Variants in WNK4 observed in about 807,000 individuals in gnomAD.
WNK4 encodes the protein WNK lysine deficient protein kinase 4, also known as serine/threonine-protein kinase WNK4.
In WNK4, 94 loss-of-function variants were observed where a neutral mutation model predicts 116.2. The observed-to-expected ratio is 0.81, with a 90% confidence interval of 0.68 to 0.96. WNK4 has a LOEUF of 0.96. WNK4 is among the 40% of genes least tolerant of loss of function. The pLI is 0.00. For synonymous variants in WNK4, 655 were observed against 672.7 expected (o/e 0.97, Z 0.41); for missense variants, 1,542 against 1,650.6 (o/e 0.93, Z 1.14).
chr17:42,790,384 T>C (rs767266569), intron 11 of WNK4, among the ~76,000 whole-genome samples: 1 of 151,306 alleles, frequency 6.6e-6, no homozygotes, highest in Non-Finnish European at 1.5e-5. Flanking sequence ...AGAGAGGAAA[T>C]TAGAAATGAA....
In WNK4 at chr17:42,794,892, C is replaced by T. The variant is rs1287623966; in HGVS notation, c.2471C>T (p.Ser824Phe). ...CCATTTTCCCCTGGAACCCCCATTT[C>T]CCCAGGTCCCATCTTCCCCATCACT... ...GNPFSPGTPI[S>F]PGPIFPITSP... is the part of the protein sequence containing the mutation. Residue 824 changes from serine (S) to phenylalanine (F), a missense_variant, in exon 14 of 19, where the codon TCC (serine) becomes TTC (phenylalanine). Transcript: ENST00000246914. The T allele has an allele frequency of 1.4e-5, 22 of 1,612,250 alleles. No homozygotes were observed. The East Asian group carries it at 4.9e-4, about 36-fold the overall frequency.
Position 42,787,432 on chromosome 17 carries a change from T to C in WNK4, c.1631T>C (p.Val544Ala). The change falls in exon 7 of 19, where the codon GTG (valine) becomes GCG (alanine). Residue 544 changes from valine (V) to alanine (A), a missense_variant. Coordinates refer to ENST00000246914, the MANE Select transcript of WNK4 (RefSeq NM_032387.5). The stretch of plus-strand genomic sequence containing the variant: ...GAGCCAGGACCTCCACCAGCAACTG[T>C]GCCCATGGCCCCCGGTCCCCCCAGT... ...PPEPGPPPAT[V>A]PMAPGPPSVF... The C allele has an allele frequency of 6.2e-7, 1 of 1,614,124 alleles. No individual in the cohort carries two copies. The highest frequency in any genetic ancestry group is 8.5e-7 in the Non-Finnish European group (1 of 1,180,028).
Position 42,785,460 on chromosome 17 carries a change from C to T in WNK4, c.1454C>T (p.Ala485Val). 5 of 1,553,332 alleles carry T rather than the reference C, an allele frequency of 3.2e-6. No homozygotes were observed. The highest frequency in any genetic ancestry group is 3.5e-6 in the Non-Finnish European group (4 of 1,147,852). Residue 485 changes from alanine (A) to valine (V), a missense_variant, in exon 6 of 19, where the codon GCC becomes GTC. Physicochemically the swap from Ala to Val is moderately conservative, Grantham distance 64. This residue lies in a region of WNK4 where 808 missense variants were observed against 873.6 expected (regional missense o/e 0.92). Coordinates refer to ENST00000246914, the MANE Select transcript of WNK4 (RefSeq NM_032387.5). Reference protein sequence around the residue: ...EFLFQLGRDAAEEVAQEMVAL... With the variant: ...EFLFQLGRDAVEEVAQEMVAL... ...CTGTTCCAGCTGGGCCGGGACGCGG[C>T]CGAGGAGGTGGCACAGGAGATGGTG...
chr17:42,781,459 C>T, intron 1 of WNK4, 143 bp downstream of exon 1: 1 of 1,173,828 alleles, frequency 8.5e-7, no homozygotes, highest in Non-Finnish European at 1.2e-6. Flanking sequence ...GCTGTCTTTG[C>T]CCTGAATGAT....
At chr17:42,785,665 A>T (rs2054541064) in intron 6 of WNK4, among the ~76,000 whole-genome samples, 183 bp downstream of exon 6, 2 of 152,154 alleles carry the variant, frequency 1.3e-5, no homozygotes, top group African/African-American at 2.4e-5. Flanking sequence ...ACGCACACCC[A>T]GTTTTCCTTT....
intron 11 of WNK4, among the ~76,000 whole-genome samples, chr17:42,789,987 CAG>C (rs1040692912): frequency 1.7e-4 from 26 of 151,786 alleles, no homozygotes; most frequent in African/African-American, 6.1e-4. Flanking sequence ...GCCTGGAAGA[CAG>C]AGTGAACTTT....
chr17:42,796,651 G>A (rs1361019813), intron 18 of WNK4, 35 bp from the exon 19 acceptor site: 3 of 1,614,090 alleles, frequency 1.9e-6, no homozygotes, highest in Non-Finnish European at 2.5e-6. Flanking sequence ...CTCCCACCTT[G>A]GAGGTTTCTT....
rs1318718827 is a variant in WNK4 at position 42,795,296 on chromosome 17, C to A, written c.2875C>A (p.Pro959Thr). The A allele has an allele frequency of 1.2e-6, 2 of 1,613,944 alleles. No individual in the cohort carries two copies. The highest frequency in any genetic ancestry group is 4.5e-5 in the East Asian group (2 of 44,844). ...CCAGTCTCCTCCAGCCCCTCCTAGT[C>A]CCCTCCCTAGCCTGCCCCTTCCCCC... ...LSQSPPAPPS[P>T]LPSLPLPPPV... Residue 959 changes from proline to threonine, a missense_variant, in exon 14 of 19, where the codon CCC becomes ACC. Pro to Thr is a conservative substitution (Grantham distance 38). Coordinates refer to ENST00000246914, the MANE Select transcript of WNK4 (RefSeq NM_032387.5).
chr17:42,784,571 G>A lies in WNK4; in HGVS notation c.1162G>A (p.Val388Ile). ...CQNAAQIYRK[V>I]TSGRKPNSFH... ...GAATGCCGCGCAAATCTACCGCAAG[G>A]TCACTTCGGTGAGAGGGATGGGGCT... The change falls in exon 4 of 19, where the codon GTC becomes ATC. Residue 388 changes from valine (V) to isoleucine (I), a missense_variant. Val to Ile is a conservative substitution (Grantham distance 29). Transcript: ENST00000246914. The surrounding 1 kb of genome is among the most constrained non-coding windows in gnomAD (Gnocchi z 4.4). 6.2e-7 allele frequency: 1 copy of A among 1,614,158 alleles called. No homozygotes were observed. Among genetic ancestry groups the A allele is most frequent in the South Asian group, 1.1e-5 (1 of 91,068 alleles).
At position 42,793,501 on chromosome 17, in the gene WNK4, C is replaced by T. The variant is rs542839841; in HGVS notation, c.2158-91C>T. 4.5e-5 allele frequency: 70 copies of T among 1,566,814 alleles called. 1 individual carries two copies. In the African/African-American group the frequency reaches 6.6e-4, roughly 15 times the overall value. On this transcript the variant is annotated intron_variant, in intron 11 of 18. Coordinates refer to ENST00000246914, the MANE Select transcript of WNK4 (RefSeq NM_032387.5). ...CTAGGATTACAGGCGTGAGCCACCG[C>T]GCCCAGCCTGATGTTTTAAGATCAG...
At chr17:42,793,560 C>A in intron 11 of WNK4, 32 bp from the exon 12 acceptor site, 1 of 1,612,720 alleles carries the variant, frequency 6.2e-7, no homozygotes, top group Non-Finnish European at 8.5e-7. Flanking sequence ...AGATAACAAG[C>A]TCTCCCTCCC....
Position 42,795,118 on chromosome 17 carries a change from C to T in WNK4, c.2697C>T (p.Val899=), listed in dbSNP as rs755342736. ...CGTTCTCTCCCACTTGTTCTCAGGT[C>T]ACTCTTAGTTCCCCTTTCTTTCCTC... ...PPTFSPTCSQ[V]TLSSPFFPPC... is the part of the protein sequence containing the mutation. Residue 899 remains valine, a synonymous_variant, in exon 14 of 19, where the codon GTC becomes GTT. Transcript: ENST00000246914. 6 of 1,613,968 alleles carry T rather than the reference C, an allele frequency of 3.7e-6. No homozygotes were observed. The South Asian group carries it at 4.4e-5, about 12-fold the overall frequency.
rs1251284253 is a variant in WNK4, at chr17:42,785,152, T to C, written c.1226T>C (p.Ile409Thr). 3.7e-6 allele frequency: 6 copies of C among 1,613,990 alleles called. No individual in the cohort carries two copies. The highest frequency in any genetic ancestry group is 1.6e-4 in the Middle Eastern group (1 of 6,062). Residue 409 changes from isoleucine (I) to threonine (T), a missense_variant, in exon 5 of 19, where the codon ATT becomes ACT. Around this residue, in one of 7 missense-constraint regions of WNK4, gnomAD observed 808 missense variants for 873.6 expected, o/e 0.92. Transcript: ENST00000246914. ...KVKIPEVKEI[I>T]EGCIRTDKNE... Reference sequence around the variant, plus strand: ...AAGATACCCGAGGTGAAGGAGATCATTGAAGGCTGCATCCGCACGGATAAG... The same window carrying C: ...AAGATACCCGAGGTGAAGGAGATCACTGAAGGCTGCATCCGCACGGATAAG...
At chr17:42,787,673 G>A (rs1361769280) in intron 7 of WNK4, 105 bp from the exon 8 acceptor site, 2 of 1,595,770 alleles carry the variant, frequency 1.3e-6, no homozygotes, top group African/African-American at 2.7e-5. Context: ...CTCCAGGAAG[G>A]AACTCTCCCA....
Position 42,788,406 on chromosome 17 carries a change from G to A in WNK4, c.2039G>A (p.Ser680Asn), listed in dbSNP as rs1246375929. The A allele has an allele frequency of 1.6e-5, 25 of 1,612,184 alleles. No individual in the cohort carries two copies. In the Admixed American group the frequency reaches 4.2e-4, roughly 27 times the overall value. Residue 680 changes from serine to asparagine, a missense_variant and splice_region_variant, in exon 10 of 19, where the codon AGT becomes AAT. Coordinates refer to ENST00000246914, the MANE Select transcript of WNK4 (RefSeq NM_032387.5). The part of the protein sequence containing the change: ...RRPRSRLRVT[S>N]VSDQNDRVVE... Reference sequence around the variant, plus strand: ...CCCCGATCCCGGCTGCGGGTCACTAGTGTAAGGATGGAGTACAGGAGATAG... The same window carrying A: ...CCCCGATCCCGGCTGCGGGTCACTAATGTAAGGATGGAGTACAGGAGATAG...
At position 42,782,195 on chromosome 17, in the gene WNK4, TG is replaced by T. The variant is rs2054491157; in HGVS notation, c.619-557del. Among the ~76,000 whole-genome samples, 1 of 78,254 alleles carries T rather than the reference TG, an allele frequency of 1.3e-5. No homozygotes were observed. The highest frequency in any genetic ancestry group is 2.5e-5 in the Non-Finnish European group (1 of 39,850). 51.3% of individuals were successfully genotyped at this position (78,254 alleles called of 152,430 possible). ...GCCAGGCCAGGAGAGGCAGCCAAAT[TG>T]GGGGGTGAGGGGAGGGAGAGGAGCC... On this transcript the variant is annotated intron_variant, in intron 1 of 18. Coordinates refer to ENST00000246914, the MANE Select transcript of WNK4 (RefSeq NM_032387.5). The surrounding 1 kb of genome is among the most constrained non-coding windows in gnomAD (Gnocchi z 4.2).
Position 42,796,934 on chromosome 17 carries a change from GC to G in WNK4, c.*248del. 1 of 724,382 alleles carries G rather than the reference GC, an allele frequency of 1.4e-6. No individual in the cohort carries two copies. Among genetic ancestry groups the G allele is most frequent in the Non-Finnish European group, 2.2e-6 (1 of 452,966 alleles). 44.9% of individuals were successfully genotyped at this position (724,382 alleles called of 1,614,324 possible). A position where few individuals can be genotyped will look rare whatever the true frequency, so the allele number is the denominator to read the frequency against. On this transcript the variant is annotated 3_prime_UTR_variant, in exon 19 of 19. Transcript: ENST00000246914. The stretch of plus-strand genomic sequence containing the variant: ...CATCTTCATCTCTAGCACCTCCCCT[GC>G]CAAGAGTCAACCACTAAGCAATCCC...
chr17:42,795,170 TCCA>T lies in WNK4; in HGVS notation c.2754_2756del (p.Thr919del). 1.2e-6 allele frequency: 2 copies of T among 1,613,814 alleles called. No individual in the cohort carries two copies. Among genetic ancestry groups the T allele is most frequent in the Non-Finnish European group, 8.5e-7 (1 of 1,179,934 alleles). On this transcript the variant is annotated inframe_deletion, in exon 14 of 19. Coordinates refer to ENST00000246914, the MANE Select transcript of WNK4 (RefSeq NM_032387.5). ...GTGCCCCTCCACTTCTTCCTTCCCC[TCCA>T]CCACAGCAGCCCCTCTCCTTTCTCT...
rs1174001976 is a variant in WNK4, at chr17:42,788,564, G to A, written c.2041-117G>A. On this transcript the variant is annotated intron_variant, in intron 10 of 18. Transcript: ENST00000246914. ...GTTTCTAATACCAGACTTTAGAGGTGGGGTCTACTTATCTCCAAGTCCATT... is the reference window on the plus strand; with the variant it reads ...GTTTCTAATACCAGACTTTAGAGGTAGGGTCTACTTATCTCCAAGTCCATT... 10 of 1,128,234 alleles carry A rather than the reference G, an allele frequency of 8.9e-6. No individual in the cohort carries two copies. In the South Asian group the frequency reaches 1.1e-4, roughly 13 times the overall value. 69.9% of individuals were successfully genotyped at this position (1,128,234 alleles called of 1,614,324 possible).
Sources: allele counts gnomAD v4.1 joint callset (sites outside exome capture counted in the v4.1 genomes callset), GRCh38; gene constraint gnomAD v4.1.1; regional missense constraint gnomAD v4.1.1; non-coding constraint Gnocchi (gnomAD v3.1); transcripts MANE v1.5; gene names NCBI Gene and HGNC (gene_info 2026-07-23, HGNC 2026-07-21).